Variants in SANBR observed in about 807,000 individuals in gnomAD.
SANBR encodes the protein SANT and BTB domain regulator of CSR, also known as SANT and BTB domain regulator of class switch recombination.
A neutral mutation model predicts 101.8 loss-of-function variants in SANBR; 77 were observed. The ratio of observed to expected loss-of-function variants is 0.76; its 90% CI spans 0.63 to 0.91. The LOEUF is 0.91. SANBR is among the 40% of genes least tolerant of loss of function. The pLI is 0.00. For missense variants in SANBR, 875 were observed against 853.0 expected (o/e 1.03, Z -0.32); for synonymous variants, 279 against 274.7 (o/e 1.02, Z -0.15).
intron 13 of SANBR, among the ~76,000 whole-genome samples, chr2:61,104,326 C>CA (rs1315042470): frequency 2.6e-5 from 4 of 151,842 alleles, no homozygotes; most frequent in South Asian, 4.1e-4. Flanking sequence ...ACTAAAACTA[C>CA]AAAAAATTAG....
chr2:61,118,183 AG>A, intron 20 of SANBR, 67 bp downstream of exon 20: 2 of 1,026,242 alleles, frequency 1.9e-6, no homozygotes, highest in Non-Finnish European at 2.9e-6. Flanking sequence ...TTTTCAGCTT[AG>A]GATTATAAAG....
intron 1 of SANBR, chr2:61,066,236 G>C (rs370482923): frequency 1.3e-5 from 2 of 152,446 alleles, no homozygotes; most frequent in Admixed American, 1.3e-4. Flanking sequence ...TCACCCGCCC[G>C]GTCCATGTCC....
At chr2:61,130,333 C>CAAATTATTAGAAGG (rs1684648631) in intron 20 of SANBR, among the ~76,000 whole-genome samples, 1 of 152,064 alleles carries the variant, frequency 6.6e-6, no homozygotes, top group South Asian at 2.1e-4. Flanking sequence ...ATTAGAAGGA[C>CAAATTATTAGAAGG]ACAAACTACT....
chr2:61,114,632 T>G (rs1285530230), intron 16 of SANBR, among the ~76,000 whole-genome samples: 1 of 152,214 alleles, frequency 6.6e-6, no homozygotes, highest in Non-Finnish European at 1.5e-5. Context: ...TGTGTATCTA[T>G]GTATATATAC....
At chr2:61,090,938 T>C (rs1424907430) in intron 10 of SANBR, among the ~76,000 whole-genome samples, 1 of 148,838 alleles carries the variant, frequency 6.7e-6, no homozygotes, top group East Asian at 2.0e-4. Flanking sequence ...AGTTGGAGTC[T>C]CACTCTGTCA....
chr2:61,128,779 C>G (rs1282829782), downstream of SANBR, among the ~76,000 whole-genome samples: 6 of 152,114 alleles, frequency 3.9e-5, no homozygotes, highest in African/African-American at 1.2e-4. Flanking sequence ...CTAGCGTGAG[C>G]CACCGTGCCT....
At chr2:61,108,668 C>CTT (rs35192103) in intron 15 of SANBR, among the ~76,000 whole-genome samples, 31 of 145,708 alleles carry the variant, frequency 2.1e-4, no homozygotes, top group South Asian at 6.5e-4. Context: ...GAAGGGTTGG[C>CTT]TTTTTTTTTT....
At chr2:61,076,195 A>G (rs1468333688) in intron 5 of SANBR, among the ~76,000 whole-genome samples, 3 of 150,334 alleles carry the variant, frequency 2.0e-5, no homozygotes, top group East Asian at 2.0e-4. Context: ...GGGTTTCACC[A>G]TGTTAGCCAA....
chr2:61,094,093 A>C, intron 11 of SANBR: 1 of 983,122 alleles, frequency 1.0e-6, no homozygotes, highest in East Asian at 1.1e-4. Flanking sequence ...AAACTGTTTA[A>C]GTTCCCACTC....
intron 5 of SANBR, among the ~76,000 whole-genome samples, chr2:61,074,599 TC>T (rs1233976158): frequency 2.0e-5 from 3 of 152,160 alleles, no homozygotes; most frequent in Non-Finnish European, 4.4e-5. Flanking sequence ...AGATGGACTT[TC>T]GCCATGGTGG....
intron 4 of SANBR, among the ~76,000 whole-genome samples, chr2:61,072,898 C>G (rs1327292944): frequency 7.9e-6 from 1 of 125,962 alleles, no homozygotes; most frequent in Non-Finnish European, 1.6e-5. Flanking sequence ...CGCTGTGTTG[C>G]TCAGGCTGGT....
chr2:61,070,730 ATAT>A (rs1443772212), intron 3 of SANBR, among the ~76,000 whole-genome samples: 2 of 146,936 alleles, frequency 1.4e-5, no homozygotes, highest in African/African-American at 2.5e-5. Context: ...TTTATATATA[ATAT>A]TTTATATATA....
At chr2:61,066,064 C>T (rs112552455) in intron 1 of SANBR, 37 bp downstream of exon 1, 47,720 of 151,940 alleles carry the variant, frequency 0.31, 7,810 homozygotes, top group East Asian at 0.42. Flanking sequence ...GTGCCCACCG[C>T]GGGGCGGGAA....
At chr2:61,135,273 C>T (rs1035254365) in intron 21 of SANBR, among the ~76,000 whole-genome samples, 8 of 152,128 alleles carry the variant, frequency 5.3e-5, no homozygotes, top group Non-Finnish European at 1.2e-4. Flanking sequence ...GTATATATCA[C>T]GAACAAGTAC....
At chr2:61,094,638 C>CTTTTT (rs35061669) in intron 11 of SANBR, among the ~76,000 whole-genome samples, 411 of 78,896 alleles carry the variant, frequency 5.2e-3, no homozygotes, top group East Asian at 6.2e-3. Context: ...TATTTCTCTT[C>CTTTTT]TTTTTTTTTT....
At chr2:61,082,010 A>T (rs968098982) in intron 7 of SANBR, among the ~76,000 whole-genome samples, 1 of 151,892 alleles carries the variant, frequency 6.6e-6, no homozygotes, top group African/African-American at 2.4e-5. Context: ...TGGGGTTTGT[A>T]CTAGTCCCCT....
chr2:61,106,919 C>T (rs1482825694), intron 14 of SANBR, among the ~76,000 whole-genome samples: 1 of 152,118 alleles, frequency 6.6e-6, no homozygotes, highest in Non-Finnish European at 1.5e-5. Context: ...AATCCCAGCA[C>T]TTTGGGAGGT....
Position 61,121,260 on chromosome 2 carries a change from T to C in SANBR, c.2104T>C (p.Ser702Pro), listed in dbSNP as rs1334171800. The C allele has an allele frequency of 1.9e-6, 3 of 1,550,672 alleles. No individual in the cohort carries two copies. Among genetic ancestry groups the C allele is most frequent in the Non-Finnish European group, 2.6e-6 (3 of 1,146,348 alleles). ...SVPVSARQSSSEKNTRSKSRF... is the reference protein window; with the variant it reads ...SVPVSARQSSPEKNTRSKSRF... ...GCCAGTTAGTGCACGCCAAAGCAGC[T>C]CAGAGAAAAACACAAGGTAAATCAG... The change falls in exon 21 of 22, where the codon TCA becomes CCA. Residue 702 changes from serine to proline, a missense_variant. Ser to Pro is a moderately conservative substitution (Grantham distance 74). Transcript: ENST00000402291.
intron 8 of SANBR, among the ~76,000 whole-genome samples, chr2:61,085,852 G>T (rs1297097653): frequency 2.0e-5 from 3 of 152,018 alleles, no homozygotes; most frequent in Admixed American, 6.6e-5. Context: ...ATCATTTTTG[G>T]TATCTGGTAA....
Sources: gnomAD v4.1 joint callset for allele counts (sites outside exome capture counted in the v4.1 genomes callset) on GRCh38, gnomAD v4.1.1 for gene constraint, MANE v1.5 for transcripts, NCBI Gene and HGNC (gene_info 2026-07-23, HGNC 2026-07-21) for gene names.